TMEM132C: variants seen among roughly 807,000 people sequenced by gnomAD.
TMEM132C encodes the protein transmembrane protein 132C, also known as protein phosphatase 1, regulatory subunit 152.
In TMEM132C, 29 loss-of-function variants were observed where a neutral mutation model predicts 61.4. That is an observed-to-expected ratio of 0.47 (90% CI 0.35 to 0.64). The LOEUF (loss-of-function observed/expected upper bound fraction) is 0.64. Among genes scored for constraint, TMEM132C ranks in the 30% least tolerant of loss-of-function variants. TMEM132C has a pLI of 0.00. For synonymous variants in TMEM132C, 656 were observed against 633.1 expected, an observed-to-expected ratio of 1.04 and a Z score of -0.54; for missense variants, 1,408 against 1,476.9, an observed-to-expected ratio of 0.95 and a Z score of 0.76.
intron 3 of TMEM132C, among the ~76,000 whole-genome samples, chr12:128,615,223 G>A (rs2135583109): frequency 6.6e-6 from 1 of 152,282 alleles, no homozygotes; most frequent in East Asian, 1.9e-4. Flanking sequence ...GTGGCCTACA[G>A]CAGTGGTCCC....
intron 1 of TMEM132C, among the ~76,000 whole-genome samples, chr12:128,277,765 G>T (rs1234948984): frequency 6.6e-6 from 1 of 152,178 alleles, no homozygotes; most frequent in African/African-American, 2.4e-5. Flanking sequence ...CACATTGTGG[G>T]GGCAGCCCAC....
chr12:128,348,929 T>C (rs1056812454), intron 1 of TMEM132C, among the ~76,000 whole-genome samples: 2 of 152,204 alleles, frequency 1.3e-5, no homozygotes, highest in African/African-American at 4.8e-5. Context: ...TTATGACATG[T>C]TTTCTATTTG....
At chr12:128,343,591 A>G (rs1390858531) in intron 1 of TMEM132C, among the ~76,000 whole-genome samples, 1 of 152,140 alleles carries the variant, frequency 6.6e-6, no homozygotes, top group Non-Finnish European at 1.5e-5. Context: ...TTTTTCTTTA[A>G]TAAGTTTTAT....
intron 1 of TMEM132C, among the ~76,000 whole-genome samples, chr12:128,347,493 AT>A (rs1873205687): frequency 6.7e-6 from 1 of 148,346 alleles, no homozygotes; most frequent in African/African-American, 2.5e-5. Context: ...CACTGGTGCA[AT>A]CTCGGCTCAC....
chr12:128,404,009 G>A (rs1041702118), intron 1 of TMEM132C, among the ~76,000 whole-genome samples: 4 of 152,138 alleles, frequency 2.6e-5, no homozygotes, highest in Non-Finnish European at 5.9e-5. Flanking sequence ...AAGATGTTTA[G>A]AACCATCCCT....
At chr12:128,628,701 G>T (rs1025103858) in intron 4 of TMEM132C, among the ~76,000 whole-genome samples, 1 of 152,158 alleles carries the variant, frequency 6.6e-6, no homozygotes, top group Non-Finnish European at 1.5e-5. Context: ...ATAGGTGGGT[G>T]TATGACCCGC....
chr12:128,346,207 T>G (rs1179810267), intron 1 of TMEM132C, among the ~76,000 whole-genome samples: 2 of 152,192 alleles, frequency 1.3e-5, no homozygotes, highest in African/African-American at 4.8e-5. Context: ...AAAGAGTAGA[T>G]AGCTGTAGGT....
intron 3 of TMEM132C, among the ~76,000 whole-genome samples, chr12:128,589,004 G>T (rs1010685570): frequency 9.9e-5 from 15 of 152,196 alleles, no homozygotes; most frequent in African/African-American, 3.6e-4. Flanking sequence ...GACTGGAGCT[G>T]CCTTGGGAGC....
rs1300257685 is a variant in TMEM132C, at chr12:128,267,194, G to C, written c.-209G>C. 6.8e-6 allele frequency among the ~76,000 whole-genome samples: 1 copy of C among 147,020 alleles called. No homozygotes were observed. The highest frequency in any genetic ancestry group is 2.4e-5 in the African/African-American group (1 of 40,892). ...AGAAAAGTTGTCCCGGCCGGAGCGC[G>C]AGCAGCGGCGGAGCCGGAGCCGCCA... On this transcript the variant is annotated 5_prime_UTR_variant, in exon 1 of 9. Coordinates refer to ENST00000435159, the MANE Select transcript of TMEM132C (RefSeq NM_001136103.3).
chr12:128,394,641 G>T (rs534716120), intron 1 of TMEM132C, among the ~76,000 whole-genome samples: 3 of 152,298 alleles, frequency 2.0e-5, no homozygotes, highest in Admixed American at 1.3e-4. Flanking sequence ...GTATATTCAT[G>T]TTAGGTGCAT....
intron 1 of TMEM132C, among the ~76,000 whole-genome samples, chr12:128,344,341 G>A (rs1440802572): frequency 6.6e-6 from 1 of 152,082 alleles, no homozygotes; most frequent in African/African-American, 2.4e-5. Flanking sequence ...TGTATTTTTA[G>A]TAGAGACAGG....
chr12:128,577,684 G>T (rs1875166177), intron 3 of TMEM132C, among the ~76,000 whole-genome samples: 1 of 152,246 alleles, frequency 6.6e-6, no homozygotes, highest in Non-Finnish European at 1.5e-5. Flanking sequence ...CCCTCCTGAA[G>T]TGGCTATTGA....
Position 128,285,492 on chromosome 12 carries a change from C to A in TMEM132C, c.85+18005C>A, listed in dbSNP as rs76840817. Among the ~76,000 whole-genome samples the A allele has an allele frequency of 7.3e-3, 1,112 of 152,202 alleles. 19 individuals are homozygous for A. The highest frequency in any genetic ancestry group is 0.024 in the African/African-American group (993 of 41,522). On this transcript the variant is annotated intron_variant, in intron 1 of 8. Transcript: ENST00000435159. Reference sequence around the variant, plus strand: ...CAGGGAAGAACATTAGACTCTTAAACACAAGTAACAGGTTAACACCAGTGT... The same window carrying A: ...CAGGGAAGAACATTAGACTCTTAAAAACAAGTAACAGGTTAACACCAGTGT...
chr12:128,298,516 C>T (rs973011378), intron 1 of TMEM132C, among the ~76,000 whole-genome samples: 10 of 152,170 alleles, frequency 6.6e-5, no homozygotes, highest in African/African-American at 1.9e-4. Flanking sequence ...TTGCATCTCA[C>T]GTAACTACGG....
intron 1 of TMEM132C, among the ~76,000 whole-genome samples, chr12:128,365,509 T>G (rs1713613): frequency 0.046 from 6,971 of 152,298 alleles, 554 homozygotes; most frequent in African/African-American, 0.16. Flanking sequence ...ACTTTACTAA[T>G]GTAAGAATTG....
rs1358094523 is a variant in TMEM132C, at chr12:128,705,953, C to A, written c.2985C>A (p.Thr995=). The A allele has an allele frequency of 6.4e-7, 1 of 1,551,544 alleles. No homozygotes were observed. Among genetic ancestry groups the A allele is most frequent in the Non-Finnish European group, 8.7e-7 (1 of 1,146,972 alleles). The change falls in exon 9 of 9, where the codon ACC becomes ACA. Residue 995 remains threonine (T), a synonymous_variant. Coordinates refer to ENST00000435159, the MANE Select transcript of TMEM132C (RefSeq NM_001136103.3). ...CGCCGCCGCCCCAGGACGAGCACACCACCATCATAGACCGCGGACCGGGGG... is the reference window on the plus strand; with the variant it reads ...CGCCGCCGCCCCAGGACGAGCACACAACCATCATAGACCGCGGACCGGGGG... ...GDAPPPQDEH[T]TIIDRGPGAC...
At position 128,603,734 on chromosome 12, in the gene TMEM132C, G is replaced by A. The variant is rs116856899; in HGVS notation, c.1122-12418G>A. 5.0e-3 allele frequency among the ~76,000 whole-genome samples: 759 copies of A among 152,210 alleles called. 12 individuals carry two copies. Among genetic ancestry groups the A allele is most frequent in the Admixed American group, 0.035 (537 of 15,276 alleles). On this transcript the variant is annotated intron_variant, in intron 3 of 8. Coordinates refer to ENST00000435159, the MANE Select transcript of TMEM132C (RefSeq NM_001136103.3). ...CACTACCTTCCAGGACTCAGGGTGCGGTAAAGAAGCTCAGTTAGTCACCAG... is the reference window on the plus strand; with the variant it reads ...CACTACCTTCCAGGACTCAGGGTGCAGTAAAGAAGCTCAGTTAGTCACCAG...
intron 1 of TMEM132C, among the ~76,000 whole-genome samples, chr12:128,341,242 C>G (rs1872970541): frequency 6.6e-6 from 1 of 152,140 alleles, no homozygotes; most frequent in South Asian, 2.1e-4. Flanking sequence ...CTGGTGAAGA[C>G]TAACCAGCTT....
chr12:128,598,884 G>T (rs2135572160), intron 3 of TMEM132C, among the ~76,000 whole-genome samples: 1 of 152,192 alleles, frequency 6.6e-6, no homozygotes, highest in Non-Finnish European at 1.5e-5. Context: ...TTGGGTGGGA[G>T]TGTGTTCCAC....
Sources: gnomAD v4.1 joint callset for allele counts (sites outside exome capture counted in the v4.1 genomes callset) on GRCh38, gnomAD v4.1.1 for gene constraint, MANE v1.5 for transcripts, NCBI Gene and HGNC (gene_info 2026-07-23, HGNC 2026-07-21) for gene names.